HMGB1: variants seen among roughly 807,000 people sequenced by gnomAD.
HMGB1 encodes the protein high mobility group protein B1.
For synonymous variants in HMGB1, 81 were observed against 84.0 expected (o/e 0.96, Z 0.19); for missense variants, 79 against 253.5 (o/e 0.31, Z 4.67).
chr13:30,524,356 A>G (rs201951773), intron 1 of HMGB1, among the ~76,000 whole-genome samples: 1,156 of 32,872 alleles, frequency 0.035, 17 homozygotes, highest in African/African-American at 0.074. Context: ...AAAAAAAAAA[A>G]AGAAAAAAAA....
intron 1 of HMGB1, among the ~76,000 whole-genome samples, chr13:30,600,208 A>G (rs1456378475): frequency 1.3e-5 from 2 of 152,204 alleles, no homozygotes; most frequent in African/African-American, 2.4e-5. Flanking sequence ...GAAAATGTAA[A>G]TAATCTCTGG....
At chr13:30,482,200 T>G (rs1887246442) in intron 1 of HMGB1, among the ~76,000 whole-genome samples, 1 of 152,166 alleles carries the variant, frequency 6.6e-6, no homozygotes, top group Non-Finnish European at 1.5e-5. Context: ...CAGGCAACAT[T>G]TTCACTTAGG....
chr13:30,543,004 G>A (rs904090636), intron 1 of HMGB1: 1 of 152,334 alleles, frequency 6.6e-6, no homozygotes, highest in African/African-American at 2.4e-5. Flanking sequence ...CTGCTACATA[G>A]CTGATCCCTT....
intron 1 of HMGB1, among the ~76,000 whole-genome samples, chr13:30,521,738 T>C (rs998554633): frequency 2.6e-5 from 4 of 152,214 alleles, no homozygotes; most frequent in African/African-American, 9.6e-5. Context: ...TCCCTAGAAG[T>C]AGAACTGCTG....
chr13:30,500,504 G>A (rs1184028843), intron 1 of HMGB1, among the ~76,000 whole-genome samples: 2 of 149,186 alleles, frequency 1.3e-5, no homozygotes, highest in Admixed American at 1.4e-4. Context: ...CAAATAGCTG[G>A]GACTACATGT....
At chr13:30,461,720 A>C in intron 4 of HMGB1, 187 bp from the exon 5 acceptor site, 31 of 1,464,062 alleles carry the variant, frequency 2.1e-5, no homozygotes, top group Non-Finnish European at 2.6e-5. Context: ...ATACAAGATC[A>C]TTATAACAAT....
At chr13:30,479,615 G>A (rs189689382) in intron 1 of HMGB1, among the ~76,000 whole-genome samples, 56 of 152,166 alleles carry the variant, frequency 3.7e-4, no homozygotes, top group Non-Finnish European at 5.6e-4. Context: ...CTTTGGAACC[G>A]GACACCTCTA....
At chr13:30,583,670 C>T (rs1470653416) in intron 1 of HMGB1, among the ~76,000 whole-genome samples, 9 of 151,326 alleles carry the variant, frequency 5.9e-5, no homozygotes, top group Admixed American at 2.6e-4. Flanking sequence ...GAAACCCCAT[C>T]TCTACTAAAA....
rs567813327 is a variant in HMGB1, at chr13:30,458,226, G to A, written c.*3131C>T. ...TTCATCAAGGACCTTTTTAGGAGGC[G>A]TATTGTACCAAGCAGACCTAAATGT... On this transcript the variant is annotated 3_prime_UTR_variant, in exon 5 of 5. Transcript: ENST00000341423. 40 of 151,954 alleles carry A rather than the reference G, an allele frequency of 2.6e-4. No homozygotes were observed. The highest frequency in any genetic ancestry group is 4.9e-4 in the Non-Finnish European group (33 of 68,034). The allele number at this position is 151,954 out of a possible 1,614,324, so 9.4% of individuals were successfully genotyped here.
At chr13:30,465,059 A>T in intron 1 of HMGB1, 2 of 641,254 alleles carry the variant, frequency 3.1e-6, no homozygotes, top group Non-Finnish European at 3.8e-6. Flanking sequence ...AAGAGAGAGG[A>T]AAAAAAAAGT....
intron 1 of HMGB1, among the ~76,000 whole-genome samples, chr13:30,607,639 TA>T (rs1464864122): frequency 6.6e-6 from 1 of 152,176 alleles, no homozygotes; most frequent in Non-Finnish European, 1.5e-5. Context: ...AGTCTGTCTA[TA>T]AATCACCTGA....
intron 1 of HMGB1, among the ~76,000 whole-genome samples, chr13:30,614,066 C>G (rs1347485520): frequency 6.6e-6 from 1 of 151,724 alleles, no homozygotes; most frequent in Non-Finnish European, 1.5e-5. Flanking sequence ...TAGTATGTAC[C>G]ATTTACATAG....
intron 1 of HMGB1, among the ~76,000 whole-genome samples, chr13:30,579,013 C>T (rs940010957): frequency 6.6e-6 from 1 of 152,224 alleles, no homozygotes; most frequent in Non-Finnish European, 1.5e-5. Context: ...ACAGGACTTA[C>T]CACAAGTTAT....
intron 1 of HMGB1, among the ~76,000 whole-genome samples, chr13:30,475,923 C>T (rs574883827): frequency 6.6e-6 from 1 of 152,278 alleles, no homozygotes; most frequent in South Asian, 2.1e-4. Context: ...CCTGACTTTT[C>T]ACCCAATCAT....
intron 1 of HMGB1, among the ~76,000 whole-genome samples, chr13:30,600,695 C>T (rs1950390049): frequency 6.6e-6 from 1 of 152,120 alleles, no homozygotes. Flanking sequence ...CAACCTCCGC[C>T]TCCTGGGTTC....
chr13:30,494,007 A>C (rs1887556267), intron 1 of HMGB1, among the ~76,000 whole-genome samples: 1 of 152,206 alleles, frequency 6.6e-6, no homozygotes, highest in South Asian at 2.1e-4. Flanking sequence ...CTTTATTAAA[A>C]AAAAAAACTC....
chr13:30,535,551 T>C (rs1379798609), intron 1 of HMGB1, among the ~76,000 whole-genome samples: 1 of 152,202 alleles, frequency 6.6e-6, no homozygotes, highest in Non-Finnish European at 1.5e-5. Flanking sequence ...AAAGATACCA[T>C]GCTTATTGTA....
intron 1 of HMGB1, chr13:30,464,023 G>T: frequency 1.2e-6 from 1 of 811,150 alleles, no homozygotes; most frequent in South Asian, 5.3e-5. Context: ...TTAAAATCTA[G>T]AACACCATTT....
At chr13:30,615,248 A>C (rs1950549790) in intron 1 of HMGB1, among the ~76,000 whole-genome samples, 1 of 152,080 alleles carries the variant, frequency 6.6e-6, no homozygotes. Flanking sequence ...AAAATGTCTT[A>C]AGTTACTTTT....
Sources: gnomAD v4.1 joint callset for allele counts (sites outside exome capture counted in the v4.1 genomes callset) on GRCh38, gnomAD v4.1.1 for gene constraint, MANE v1.5 for transcripts, NCBI Gene and HGNC (gene_info 2026-07-23, HGNC 2026-07-21) for gene names.